DYNC2H1: variants seen among roughly 807,000 people sequenced by gnomAD.
The protein encoded by DYNC2H1 is cytoplasmic dynein 2 heavy chain 1.
A neutral mutation model predicts 570.0 loss-of-function variants in DYNC2H1; 410 were observed. The observed-to-expected ratio is 0.72, with a 90% CI of 0.66 to 0.78. DYNC2H1 has a LOEUF of 0.78. Among genes scored for constraint, DYNC2H1 ranks in the 30% least tolerant of loss-of-function variants. DYNC2H1 has a pLI of 0.00. For synonymous variants in DYNC2H1, 1,688 were observed against 1,677.6 expected, an observed-to-expected ratio of 1.01 and a Z score of -0.15; for missense variants, 4,865 against 5,046.4, an observed-to-expected ratio of 0.96 and a Z score of 1.09.
In DYNC2H1 at chr11:103,358,321, C is replaced by A. The variant is rs765010193; in HGVS notation, c.12118C>A (p.Leu4040Ile). 2.5e-6 allele frequency: 4 copies of A among 1,586,426 alleles called. No individual in the cohort carries two copies. The highest frequency in any genetic ancestry group is 1.7e-4 in the Middle Eastern group (1 of 6,028). Residue 4040 changes from leucine (L) to isoleucine (I), a missense_variant, in exon 83 of 89, where the codon CTT becomes ATT. Physicochemically the swap from Leu to Ile is conservative, Grantham distance 5. This residue lies in a region of DYNC2H1 where 2,401 missense variants were observed against 2,454.6 expected (regional missense o/e 0.98). Coordinates refer to ENST00000375735, the MANE Select transcript of DYNC2H1 (RefSeq NM_001377.3). ...TGATAGAGAAATCTGGTCTAATGAA[C>A]TTTCTCCTGTCCTCAATCTCTGGAA... is the stretch of plus-strand genomic sequence containing the variant. ...KFDREIWSNE[L>I]SPVLNLWKKL...
At chr11:103,220,139 T>C (rs1863530579) in intron 56 of DYNC2H1, 111 bp downstream of exon 56, 1 of 581,634 alleles carries the variant, frequency 1.7e-6, no homozygotes, top group Admixed American at 4.3e-5. Flanking sequence ...TTATAAAATG[T>C]GGTTTTCAAC....
At chr11:103,142,424 C>T (rs1859996856) in intron 17 of DYNC2H1, among the ~76,000 whole-genome samples, 1 of 152,130 alleles carries the variant, frequency 6.6e-6, no homozygotes, top group African/African-American at 2.4e-5. Context: ...AATCCTGGCA[C>T]TTTGGGAGGC....
At position 103,197,923 on chromosome 11, in the gene DYNC2H1, A is replaced by G; in HGVS notation, c.7709-10A>G. On this transcript the variant is annotated splice_polypyrimidine_tract_variant and intron_variant, in intron 47 of 88. Coordinates refer to ENST00000375735, the MANE Select transcript of DYNC2H1 (RefSeq NM_001377.3). ...TGCATATAAAACAAAAATATCATTT[A>G]TTTCCACAGATAGTTTCTACGTTAC... 6.4e-7 allele frequency: 1 copy of G among 1,562,230 alleles called. No individual in the cohort carries two copies. Among genetic ancestry groups the G allele is most frequent in the South Asian group, 1.2e-5 (1 of 84,086 alleles).
rs1220607371 is a variant in DYNC2H1, at chr11:103,456,323, A to G, written c.12615A>G (p.Lys4205=). ...VDSLKFVASW[K]GRLQEAKLQI... is the part of the protein sequence containing the mutation. ...GCCTTAAATTTGTAGCCTCATGGAA[A>G]GGTCGACTGCAAGAAGCAAAGCTAC... is the stretch of plus-strand genomic sequence containing the variant. Residue 4205 remains lysine (K), a synonymous_variant, in exon 87 of 89, where the codon AAA becomes AAG. Coordinates refer to ENST00000375735, the MANE Select transcript of DYNC2H1 (RefSeq NM_001377.3). 8 of 1,608,334 alleles carry G rather than the reference A, an allele frequency of 5.0e-6. No homozygotes were observed. In the Admixed American group the frequency reaches 6.7e-5, roughly 14 times the overall value.
rs116901103 is a variant in DYNC2H1, at chr11:103,320,031, T to C, written c.11726-998T>C. 1.1e-3 allele frequency among the ~76,000 whole-genome samples: 169 copies of C among 152,314 alleles called. 1 individual carries two copies. In the East Asian group the frequency reaches 0.029, roughly 26 times the overall value. Reference sequence around the variant, plus strand: ...GTCATATCTCTAAATTTTATAGTAATGAAATGGAACTATGCTAGTAATGCT... The same window carrying C: ...GTCATATCTCTAAATTTTATAGTAACGAAATGGAACTATGCTAGTAATGCT... On this transcript the variant is annotated intron_variant, in intron 80 of 88. Transcript: ENST00000375735.
At chr11:103,349,322 G>T (rs948706399) in intron 82 of DYNC2H1, among the ~76,000 whole-genome samples, 2 of 152,126 alleles carry the variant, frequency 1.3e-5, no homozygotes, top group Non-Finnish European at 2.9e-5. Flanking sequence ...TATTAGGAAA[G>T]ATGAGGTCTT....
intron 84 of DYNC2H1, among the ~76,000 whole-genome samples, chr11:103,415,742 CGATTCCTCAAG>C (rs1943256843): frequency 6.6e-6 from 1 of 152,140 alleles, no homozygotes; most frequent in Admixed American, 6.6e-5. Flanking sequence ...GACAGTGTGG[CGATTCCTCAAG>C]GATCTGGAAC....
At chr11:103,154,077 T>C (rs1254450212) in intron 22 of DYNC2H1, among the ~76,000 whole-genome samples, 2 of 151,888 alleles carry the variant, frequency 1.3e-5, no homozygotes, top group Non-Finnish European at 1.5e-5. Flanking sequence ...CCCTTTCAAC[T>C]GAGAAGAGTA....
intron 84 of DYNC2H1, among the ~76,000 whole-genome samples, chr11:103,410,392 A>ATG (rs1943034601): frequency 2.0e-5 from 3 of 152,044 alleles, no homozygotes; most frequent in Admixed American, 2.0e-4. Flanking sequence ...TAATGTTTTT[A>ATG]TGTGTATTAC....
chr11:103,237,738 T>TA (rs11404563), intron 63 of DYNC2H1, among the ~76,000 whole-genome samples: 133,004 of 147,968 alleles, frequency 0.9, 59,784 homozygotes, highest in Admixed American at 0.92. Flanking sequence ...GATTGCAAAT[T>TA]AAAAAAAAAA....
In DYNC2H1 at chr11:103,177,944, A is replaced by T; in HGVS notation, c.6139+124A>T. 1 of 1,128,256 alleles carries T rather than the reference A, an allele frequency of 8.9e-7. No homozygotes were observed. Among genetic ancestry groups the T allele is most frequent in the Non-Finnish European group, 1.2e-6 (1 of 834,204 alleles). The allele number at this position is 1,128,256 out of a possible 1,614,324, so 69.9% of individuals were successfully genotyped here. A position where few individuals can be genotyped will look rare whatever the true frequency, so the allele number is the denominator to read the frequency against. On this transcript the variant is annotated intron_variant, in intron 38 of 88. Transcript: ENST00000375735. The surrounding 1 kb of genome is among the most constrained non-coding windows in gnomAD (Gnocchi z 4.4). ...ATAAAGTCATAATTAAGTTAAAATG[A>T]TGTACATTTGATATTTTACTTTGGA...
In DYNC2H1 at chr11:103,173,083, T is replaced by A. The variant is rs1861638454; in HGVS notation, c.5336T>A (p.Val1779Glu). The A allele has an allele frequency of 7.6e-7, 1 of 1,308,608 alleles. No homozygotes were observed. The highest frequency in any genetic ancestry group is 1.5e-5 in the African/African-American group (1 of 65,004). The allele number at this position is 1,308,608 out of a possible 1,614,324, so 81.1% of individuals were successfully genotyped here. The change falls in exon 35 of 89, where the codon GTA (valine) becomes GAA (glutamate). Residue 1779 changes from valine (V) to glutamate (E), a missense_variant and splice_region_variant. By Grantham distance (121) the Val-to-Glu change is moderately radical (BLOSUM62 -2). Around this residue, in one of 5 missense-constraint regions of DYNC2H1, gnomAD observed 292 missense variants for 300.2 expected, o/e 0.97. Coordinates refer to ENST00000375735, the MANE Select transcript of DYNC2H1 (RefSeq NM_001377.3). Reference protein sequence around the residue: ...RTVCELLGKEVEVNSNSGIFI... With the variant: ...RTVCELLGKEEEVNSNSGIFI... ...TAATATTTTTAATTAATATTTCAGGTAGAAGTAAATTCTAATTCTGGAATT... is the reference window on the plus strand; with the variant it reads ...TAATATTTTTAATTAATATTTCAGGAAGAAGTAAATTCTAATTCTGGAATT...
intron 84 of DYNC2H1, among the ~76,000 whole-genome samples, chr11:103,422,776 C>G (rs12806331): frequency 0.29 from 44,004 of 151,996 alleles, 6,447 homozygotes; most frequent in South Asian, 0.35. Context: ...AAAACTGGCA[C>G]AAGACAAGGA....
chr11:103,192,291 C>T, intron 47 of DYNC2H1, 27 bp downstream of exon 47: 1 of 1,427,878 alleles, frequency 7.0e-7, no homozygotes, highest in Non-Finnish European at 9.3e-7. Context: ...TATGCAAATA[C>T]ATAACTATTA....
intron 6 of DYNC2H1, among the ~76,000 whole-genome samples, chr11:103,120,132 C>T (rs1858622937): frequency 1.3e-5 from 2 of 152,056 alleles, no homozygotes; most frequent in Non-Finnish European, 1.5e-5. Flanking sequence ...CTTAAATGAG[C>T]TCTAAATATA....
chr11:103,327,341 G>A (rs1938551571), intron 82 of DYNC2H1, among the ~76,000 whole-genome samples: 1 of 151,900 alleles, frequency 6.6e-6, no homozygotes, highest in Admixed American at 6.6e-5. Flanking sequence ...ACATACGTGT[G>A]TGTGTGTATA....
intron 18 of DYNC2H1, among the ~76,000 whole-genome samples, chr11:103,144,670 G>A (rs1296037036): frequency 6.6e-6 from 1 of 151,680 alleles, no homozygotes; most frequent in Admixed American, 6.6e-5. Flanking sequence ...TATAGATCTG[G>A]GAGTCTTACA....
At chr11:103,448,019 G>C (rs1944482972) in intron 85 of DYNC2H1, among the ~76,000 whole-genome samples, 1 of 152,062 alleles carries the variant, frequency 6.6e-6, no homozygotes, top group Admixed American at 6.6e-5. Context: ...TAATTATAAA[G>C]GATGATTAAC....
intron 84 of DYNC2H1, among the ~76,000 whole-genome samples, chr11:103,423,574 A>G (rs1390229397): frequency 6.6e-6 from 1 of 151,984 alleles, no homozygotes; most frequent in Non-Finnish European, 1.5e-5. Flanking sequence ...AAAATGAACT[A>G]TAAAAAGAAA....
Sources: gnomAD v4.1 joint callset for allele counts (sites outside exome capture counted in the v4.1 genomes callset) on GRCh38, gnomAD v4.1.1 for gene constraint, gnomAD v4.1.1 regional missense constraint, Gnocchi (gnomAD v3.1) non-coding constraint, MANE v1.5 for transcripts, NCBI Gene and HGNC (gene_info 2026-07-23, HGNC 2026-07-21) for gene names.